The following FRMD4B variants were observed in gnomAD, a reference collection of about 807,000 sequenced individuals.
The protein encoded by FRMD4B is FERM domain containing 4B, also known as FERM domain-containing protein 4B.
In FRMD4B, 74 loss-of-function variants were observed where a neutral mutation model predicts 141.5. The ratio of observed to expected loss-of-function variants is 0.52; its 90% CI spans 0.43 to 0.63. The LOEUF (loss-of-function observed/expected upper bound fraction) is 0.63, where lower values mean the gene tolerates loss of function less well. FRMD4B is among the 30% of genes least tolerant of loss of function. The probability of loss-of-function intolerance (pLI) is 0.00; values close to 1 mark genes in which losing one functional copy is unlikely to be tolerated. For synonymous variants in FRMD4B, 506 were observed against 467.9 expected (o/e 1.08, Z -1.05); for missense variants, 1,366 against 1,253.4 (o/e 1.09, Z -1.36).
At chr3:69,172,253 TAA>T (rs1401294488) in intron 22 of FRMD4B, among the ~76,000 whole-genome samples, 1 of 152,252 alleles carries the variant, frequency 6.6e-6, no homozygotes, top group Non-Finnish European at 1.5e-5. Flanking sequence ...CAGACTGTAT[TAA>T]GTTACATGTT....
chr3:69,452,094 G>GT (rs1219456859), intron 1 of FRMD4B, among the ~76,000 whole-genome samples: 15 of 152,244 alleles, frequency 9.9e-5, no homozygotes, highest in African/African-American at 3.6e-4. Flanking sequence ...CTTTATAATG[G>GT]TAGGAGGAAG....
intron 7 of FRMD4B, among the ~76,000 whole-genome samples, chr3:69,242,727 C>A (rs1210679059): frequency 6.7e-6 from 1 of 150,010 alleles, no homozygotes; most frequent in African/African-American, 2.5e-5. Flanking sequence ...TCGTTGCTCA[C>A]CTGTAATCTG....
At chr3:69,298,834 T>C (rs1241434789) in intron 4 of FRMD4B, among the ~76,000 whole-genome samples, 1 of 152,168 alleles carries the variant, frequency 6.6e-6, no homozygotes, top group Non-Finnish European at 1.5e-5. Context: ...AATGGAGTTT[T>C]CTCCATAACC....
At chr3:69,491,911 T>C (rs527750271) in intron 1 of FRMD4B, among the ~76,000 whole-genome samples, 1 of 152,306 alleles carries the variant, frequency 6.6e-6, no homozygotes, top group African/African-American at 2.4e-5. Flanking sequence ...AGGACCATCA[T>C]TCAGGAAGTG....
At chr3:69,538,615 C>CT (rs1301558349) in intron 1 of FRMD4B, among the ~76,000 whole-genome samples, 1 of 152,006 alleles carries the variant, frequency 6.6e-6, no homozygotes, top group Non-Finnish European at 1.5e-5. Context: ...ATTGAAAAAA[C>CT]ACTGTCTTAT....
At chr3:69,205,551 A>AT (rs1265206693) in intron 11 of FRMD4B, among the ~76,000 whole-genome samples, 1 of 151,914 alleles carries the variant, frequency 6.6e-6, no homozygotes, top group Non-Finnish European at 1.5e-5. Context: ...ACCTGTGGTG[A>AT]TTTTTGCACC....
chr3:69,203,730 G>A (rs1315935817), intron 11 of FRMD4B, among the ~76,000 whole-genome samples: 1 of 152,206 alleles, frequency 6.6e-6, no homozygotes, highest in African/African-American at 2.4e-5. Flanking sequence ...AACTATGTTT[G>A]TGAAGCACTC....
chr3:69,478,779 T>G (rs1170421379), intron 1 of FRMD4B, among the ~76,000 whole-genome samples: 4 of 152,130 alleles, frequency 2.6e-5, no homozygotes, highest in African/African-American at 7.2e-5. Flanking sequence ...TCTGTCTCGT[T>G]GATCTGTCTA....
intron 5 of FRMD4B, among the ~76,000 whole-genome samples, chr3:69,267,614 TATATATATATATATATATATATAGAGAG>T (rs2093570666): frequency 8.7e-5 from 7 of 80,336 alleles, no homozygotes; most frequent in South Asian, 4.7e-4. Context: ...TATATATATA[TATATATATATATATATATATATAGAGAG>T]AGAGAGAGAG....
Position 69,193,885 on chromosome 3 carries a change from C to T in FRMD4B, c.1489-12G>A. On this transcript the variant is annotated splice_polypyrimidine_tract_variant and intron_variant, in intron 16 of 22. Transcript: ENST00000398540. ...TGCAAAGCAGGATCCTGCATTTATACAATGATAGTTTTATTTTTATGGACA... is the reference window on the plus strand; with the variant it reads ...TGCAAAGCAGGATCCTGCATTTATATAATGATAGTTTTATTTTTATGGACA... 6.6e-7 allele frequency: 1 copy of T among 1,514,606 alleles called. No individual in the cohort carries two copies. Among genetic ancestry groups the T allele is most frequent in the Non-Finnish European group, 9.1e-7 (1 of 1,098,284 alleles). The allele number at this position is 1,514,606 out of a possible 1,614,324, so 93.8% of individuals were successfully genotyped here. A position where few individuals can be genotyped will look rare whatever the true frequency, so the allele number is the denominator to read the frequency against.
rs2107594780 is a variant in FRMD4B, at chr3:69,181,343, T to C, written c.2407A>G (p.Ser803Gly). 1.2e-6 allele frequency: 2 copies of C among 1,613,932 alleles called. No homozygotes were observed. The highest frequency in any genetic ancestry group is 8.5e-7 in the Non-Finnish European group (1 of 1,179,816). The change falls in exon 21 of 23, where the codon AGT becomes GGT. Residue 803 changes from serine (S) to glycine (G), a missense_variant. Physicochemically the swap from Ser to Gly is moderately conservative, Grantham distance 56 (BLOSUM62 0). Transcript: ENST00000398540. ...YSKSQEPPSSSYYIAGYTPYA... is the reference protein window; with the variant it reads ...YSKSQEPPSSGYYIAGYTPYA... ...GGTGTGTACCCGGCAATGTAGTAAC[T>C]GGAAGACGGTGGCTCCTGACTCTTT...
At chr3:69,388,270 CT>C (rs1704308426), upstream of FRMD4B, among the ~76,000 whole-genome samples, 1 of 152,138 alleles carries the variant, frequency 6.6e-6, no homozygotes, top group Non-Finnish European at 1.5e-5. Context: ...TCAGCAGTCA[CT>C]TTCAAATTCC....
At chr3:69,439,299 A>G (rs1245524579) in intron 1 of FRMD4B, among the ~76,000 whole-genome samples, 1 of 152,158 alleles carries the variant, frequency 6.6e-6, no homozygotes, top group Admixed American at 6.6e-5. Context: ...AAAGGATGCG[A>G]CAGCACACAT....
chr3:69,432,512 A>G (rs191477119), intron 2 of FRMD4B: 26 of 152,356 alleles, frequency 1.7e-4, no homozygotes, highest in Admixed American at 1.2e-3. Context: ...ATATCATATA[A>G]CATCCTGTCC....
intron 1 of FRMD4B, among the ~76,000 whole-genome samples, chr3:69,368,643 A>G (rs937652914): frequency 1.3e-5 from 2 of 152,068 alleles, no homozygotes; most frequent in African/African-American, 2.4e-5. Flanking sequence ...CCCATGGCAT[A>G]CTCCCACTTC....
chr3:69,340,080 G>A (rs1430818937), intron 1 of FRMD4B, among the ~76,000 whole-genome samples: 1 of 152,104 alleles, frequency 6.6e-6, no homozygotes, highest in East Asian at 1.9e-4. Flanking sequence ...TCCAGCTCAA[G>A]GCATGAGGGG....
intron 1 of FRMD4B, among the ~76,000 whole-genome samples, chr3:69,370,348 C>T (rs964553): frequency 6.6e-6 from 1 of 152,202 alleles, no homozygotes; most frequent in Non-Finnish European, 1.5e-5. Flanking sequence ...TCGCTTGACA[C>T]TCAGGGCTGA....
intron 1 of FRMD4B, among the ~76,000 whole-genome samples, chr3:69,360,287 A>G (rs1261290604): frequency 1.3e-5 from 2 of 152,102 alleles, no homozygotes; most frequent in African/African-American, 2.4e-5. Flanking sequence ...CTGTCCTCCT[A>G]TATGTATTAT....
At chr3:69,447,775 A>C (rs1344437511) in intron 1 of FRMD4B, among the ~76,000 whole-genome samples, 1 of 152,208 alleles carries the variant, frequency 6.6e-6, no homozygotes, top group Non-Finnish European at 1.5e-5. Context: ...CTAGAATTTC[A>C]CATGAATAGA....
Sources: allele counts gnomAD v4.1 joint callset (sites outside exome capture counted in the v4.1 genomes callset), GRCh38; gene constraint gnomAD v4.1.1; transcripts MANE v1.5; gene names NCBI Gene and HGNC (gene_info 2026-07-23, HGNC 2026-07-21).